Variants in LRP1B observed in about 807,000 individuals in gnomAD.
LRP1B encodes low-density lipoprotein receptor-related protein 1B.
LRP1B carries 217 observed loss-of-function variants against 556.6 expected under a neutral mutation model. The ratio of observed to expected loss-of-function variants is 0.39; its 90% CI spans 0.35 to 0.44. LRP1B has a LOEUF of 0.44. LRP1B is among the 20% of genes least tolerant of loss of function. The pLI is 1.00. For missense variants in LRP1B, 5,053 were observed against 5,620.8 expected (o/e 0.90, Z 3.23); for synonymous variants, 2,047 against 1,865.8 (o/e 1.10, Z -2.50).
intron 3 of LRP1B, among the ~76,000 whole-genome samples, chr2:141,279,451 T>C (rs1160377925): frequency 6.6e-6 from 1 of 152,094 alleles, no homozygotes; most frequent in African/African-American, 2.4e-5. Flanking sequence ...AAGAGTTAAT[T>C]GCCTTCTAGA....
At chr2:140,330,816 C>T (rs994888991) in intron 79 of LRP1B, among the ~76,000 whole-genome samples, 2 of 152,008 alleles carry the variant, frequency 1.3e-5, no homozygotes, top group African/African-American at 4.8e-5. Context: ...TTGCAATCCA[C>T]CCATCTGACA....
intron 7 of LRP1B, among the ~76,000 whole-genome samples, chr2:141,175,468 C>T (rs1184610130): frequency 1.3e-5 from 2 of 152,122 alleles, no homozygotes; most frequent in Non-Finnish European, 2.9e-5. Flanking sequence ...GTAAAGTTCA[C>T]ATCATTGCAT....
rs10194254 is a variant in LRP1B, at chr2:140,999,877, C to T, written c.2503+5458G>A. 2.5e-3 allele frequency among the ~76,000 whole-genome samples: 375 copies of T among 152,048 alleles called. 1 individual carries two copies. Among genetic ancestry groups the T allele is most frequent in the African/African-American group, 8.7e-3 (361 of 41,510 alleles). On this transcript the variant is annotated intron_variant, in intron 15 of 90. Transcript: ENST00000389484. The stretch of plus-strand genomic sequence containing the variant: ...GGAAAACCAATACTGAAAACCCATT[C>T]GTGCATCTGGAGAAGGTGACAGGAC...
intron 1 of LRP1B, among the ~76,000 whole-genome samples, chr2:142,098,971 A>C (rs1706475241): frequency 6.6e-6 from 1 of 151,824 alleles, no homozygotes; most frequent in Non-Finnish European, 1.5e-5. Flanking sequence ...TCCTCTGCAC[A>C]TACAGCATTG....
intron 41 of LRP1B, among the ~76,000 whole-genome samples, chr2:140,658,089 T>A (rs1684955856): frequency 6.6e-6 from 1 of 152,128 alleles, no homozygotes; most frequent in African/African-American, 2.4e-5. Context: ...CAAAATTTAG[T>A]TTTTTATACT....
At chr2:141,765,778 A>G (rs1694715274) in intron 2 of LRP1B, among the ~76,000 whole-genome samples, 1 of 152,160 alleles carries the variant, frequency 6.6e-6, no homozygotes, top group African/African-American at 2.4e-5. Flanking sequence ...TTTATAACTG[A>G]TGATTCCTTT....
At chr2:141,998,535 A>G (rs1362913218) in intron 1 of LRP1B, among the ~76,000 whole-genome samples, 2 of 152,228 alleles carry the variant, frequency 1.3e-5, no homozygotes, top group Non-Finnish European at 2.9e-5. Flanking sequence ...TAAACCAAAA[A>G]GTATCTTAGA....
At chr2:140,877,884 C>A (rs1295347914) in intron 25 of LRP1B, among the ~76,000 whole-genome samples, 1 of 152,162 alleles carries the variant, frequency 6.6e-6, no homozygotes, top group Non-Finnish European at 1.5e-5. Flanking sequence ...GGCACATATC[C>A]TCAACCTTGG....
At chr2:140,938,860 T>C (rs1000935996) in intron 20 of LRP1B, among the ~76,000 whole-genome samples, 4 of 152,126 alleles carry the variant, frequency 2.6e-5, no homozygotes, top group African/African-American at 9.6e-5. Flanking sequence ...AATTTTTCTA[T>C]CTTTCGGAAA....
chr2:141,816,345 G>A (rs998699959), intron 1 of LRP1B, among the ~76,000 whole-genome samples: 7 of 152,144 alleles, frequency 4.6e-5, no homozygotes, highest in Non-Finnish European at 8.8e-5. Flanking sequence ...TGCTGTCAGC[G>A]TGGCTAGAAT....
chr2:141,762,686 G>A (rs995258200), intron 2 of LRP1B, among the ~76,000 whole-genome samples: 12 of 152,168 alleles, frequency 7.9e-5, no homozygotes, highest in African/African-American at 2.7e-4. Context: ...TATGTATACT[G>A]TTTGTCCTTG....
chr2:141,164,831 G>T (rs1004533712), intron 7 of LRP1B, among the ~76,000 whole-genome samples: 1 of 152,024 alleles, frequency 6.6e-6, no homozygotes, highest in Admixed American at 6.6e-5. Flanking sequence ...AAATATAGTA[G>T]CAGCTGGTCC....
chr2:141,579,538 CA>C (rs1451684432), intron 2 of LRP1B, among the ~76,000 whole-genome samples: 2 of 151,938 alleles, frequency 1.3e-5, no homozygotes, highest in African/African-American at 4.8e-5. Context: ...ATTAATATGG[CA>C]TGTATGAACT....
rs532229871 is a variant in LRP1B, at chr2:141,439,250, C to T, written c.343+41146G>A. 1.1e-3 allele frequency among the ~76,000 whole-genome samples: 160 copies of T among 152,116 alleles called. 2 individuals are homozygous for T. The highest frequency in any genetic ancestry group is 1.7e-3 in the South Asian group (8 of 4,826). On this transcript the variant is annotated intron_variant, in intron 3 of 90. Coordinates refer to ENST00000389484, the MANE Select transcript of LRP1B (RefSeq NM_018557.3). ...GGGAACATATTAAATGTGAGAAGTT[C>T]GTATGCTTTAGCACAAACTTTCCAC...
At chr2:141,411,386 A>T (rs1434701973) in intron 3 of LRP1B, among the ~76,000 whole-genome samples, 2 of 152,154 alleles carry the variant, frequency 1.3e-5, no homozygotes, top group East Asian at 3.8e-4. Flanking sequence ...CTTGGAAAGC[A>T]TGGGAAGACA....
At chr2:140,869,619 C>T (rs1241515787) in intron 25 of LRP1B, among the ~76,000 whole-genome samples, 1 of 151,756 alleles carries the variant, frequency 6.6e-6, no homozygotes, top group African/African-American at 2.4e-5. Flanking sequence ...ATGGTGGTGG[C>T]AATAAAGGAG....
intron 3 of LRP1B, among the ~76,000 whole-genome samples, chr2:141,440,438 C>T (rs1215763095): frequency 6.6e-6 from 1 of 152,234 alleles, no homozygotes; most frequent in African/African-American, 2.4e-5. Flanking sequence ...ATTTCCACTG[C>T]TGGGGCCAGA....
At chr2:141,024,143 T>G (rs1698148354) in intron 11 of LRP1B, among the ~76,000 whole-genome samples, 1 of 152,008 alleles carries the variant, frequency 6.6e-6, no homozygotes, top group Non-Finnish European at 1.5e-5. Context: ...GGAATGACAT[T>G]GATTTAATTA....
At chr2:141,195,734 C>T (rs995372049) in intron 6 of LRP1B, among the ~76,000 whole-genome samples, 12 of 152,098 alleles carry the variant, frequency 7.9e-5, no homozygotes, top group African/African-American at 2.9e-4. Context: ...AAAATGTCTG[C>T]TCTATTTTAT....
Sources: allele counts gnomAD v4.1 joint callset (sites outside exome capture counted in the v4.1 genomes callset), GRCh38; gene constraint gnomAD v4.1.1; transcripts MANE v1.5; gene names NCBI Gene and HGNC (gene_info 2026-07-23, HGNC 2026-07-21).